Variants in RBFOX1 observed in about 807,000 individuals in gnomAD.
RBFOX1 encodes RNA binding protein fox-1 homolog 1.
RBFOX1 carries 8 observed loss-of-function variants against 57.7 expected under a neutral mutation model. The observed-to-expected ratio is 0.14, with a 90% CI of 0.08 to 0.25. The LOEUF (loss-of-function observed/expected upper bound fraction) is 0.25. Ranked by LOEUF, RBFOX1 falls within the 10% of genes least tolerant of loss-of-function variation. RBFOX1 has a pLI of 1.00. For synonymous variants in RBFOX1, 326 were observed against 222.4 expected, an observed-to-expected ratio of 1.47 and a Z score of -4.15; for missense variants, 611 against 548.5, an observed-to-expected ratio of 1.11 and a Z score of -1.14.
chr16:6,516,542 A>AT (rs1170474103), intron 2 of RBFOX1, among the ~76,000 whole-genome samples: 1 of 152,214 alleles, frequency 6.6e-6, no homozygotes, highest in Non-Finnish European at 1.5e-5. Context: ...AGGCTTGTTA[A>AT]TTTTTTATAA....
intron 3 of RBFOX1, among the ~76,000 whole-genome samples, chr16:5,742,195 C>G (rs1265394339): frequency 2.0e-5 from 3 of 151,716 alleles, no homozygotes; most frequent in African/African-American, 7.3e-5. Flanking sequence ...TCCCTTCCTT[C>G]CTCCAGTCCT....
chr16:6,979,796 C>T (rs1295747671), intron 3 of RBFOX1, among the ~76,000 whole-genome samples: 1 of 152,154 alleles, frequency 6.6e-6, no homozygotes, highest in Non-Finnish European at 1.5e-5. Context: ...GTATTCCACC[C>T]TTTTCTCCTG....
chr16:7,517,138 CGT>C (rs200887129), intron 4 of RBFOX1, among the ~76,000 whole-genome samples: 11,468 of 129,894 alleles, frequency 0.088, 570 homozygotes, highest in Middle Eastern at 0.12. Flanking sequence ...TTTCTTATGC[CGT>C]GTGTGTGTGT....
chr16:5,756,737 C>G (rs1250242790), intron 3 of RBFOX1, among the ~76,000 whole-genome samples: 1 of 152,090 alleles, frequency 6.6e-6, no homozygotes, highest in African/African-American at 2.4e-5. Context: ...TTCTTTGAGC[C>G]AAAGAGACCC....
At chr16:6,594,073 T>A (rs2097753516) in intron 2 of RBFOX1, among the ~76,000 whole-genome samples, 1 of 152,180 alleles carries the variant, frequency 6.6e-6, no homozygotes, top group South Asian at 2.1e-4. Flanking sequence ...ACACTTGAGT[T>A]CATCTATATC....
rs1049485392 is a variant in RBFOX1 at position 7,671,704 on chromosome 16, T to G, written c.931-5070T>G. On this transcript the variant is annotated intron_variant, in intron 13 of 15. Coordinates refer to ENST00000550418, the MANE Select transcript of RBFOX1 (RefSeq NM_018723.4). ...TGGGGAGGGGAACAGTTCTCTAACA[T>G]AGGAGGAAAGACTTAACTGAATTTT... 2.8e-6 allele frequency: 3 copies of G among 1,066,778 alleles called. No homozygotes were observed. The South Asian group carries it at 3.9e-5, about 14-fold the overall frequency. The allele number at this position is 1,066,778 out of a possible 1,614,324, so 66.1% of individuals were successfully genotyped here. A position where few individuals can be genotyped will look rare whatever the true frequency, so the allele number is the denominator to read the frequency against.
intron 4 of RBFOX1, among the ~76,000 whole-genome samples, chr16:5,980,060 C>T (rs1449045150): frequency 1.3e-5 from 2 of 152,198 alleles, no homozygotes; most frequent in Non-Finnish European, 2.9e-5. Context: ...CAATCAGCTC[C>T]ACCCTCCTCC....
intron 3 of RBFOX1, among the ~76,000 whole-genome samples, chr16:6,692,331 G>C (rs529753511): frequency 3.7e-4 from 2 of 5,434 alleles, no homozygotes; most frequent in Admixed American, 9.1e-3. Flanking sequence ...TTTTCACTAA[G>C]TGTTTCATCT....
chr16:6,818,585 C>G (rs895698746), intron 3 of RBFOX1, among the ~76,000 whole-genome samples: 2 of 152,192 alleles, frequency 1.3e-5, no homozygotes, highest in East Asian at 1.9e-4. Context: ...TGCTATGGCA[C>G]TCTCATTTAA....
intron 1 of RBFOX1, among the ~76,000 whole-genome samples, chr16:5,269,646 G>A (rs7206596): frequency 0.18 from 28,047 of 152,132 alleles, 2,956 homozygotes; most frequent in African/African-American, 0.29. Context: ...GAAATAGGAA[G>A]TTGATTAGTG....
At chr16:7,217,728 C>T (rs1235431966) in intron 4 of RBFOX1, among the ~76,000 whole-genome samples, 1 of 152,082 alleles carries the variant, frequency 6.6e-6, no homozygotes, top group Non-Finnish European at 1.5e-5. Flanking sequence ...TGAGAAAAAG[C>T]TTTATTTACA....
rs145511764 is a variant in RBFOX1, at chr16:5,952,309, C to A, written c.351+84974C>A. On this transcript the variant is annotated intron_variant, in intron 4 of 19. Coordinates refer to the RBFOX1 transcript ENST00000641259. The stretch of plus-strand genomic sequence containing the variant: ...GGGATTACAGGCGTGCGCCACCACA[C>A]CTGGTTAATCTTTGTATTTTTCGTA... Among the ~76,000 whole-genome samples the A allele has an allele frequency of 2.0e-4, 30 of 152,086 alleles. 1 individual carries two copies. The South Asian group carries it at 5.6e-3, about 29-fold the overall frequency.
rs1206538214 is a variant in RBFOX1 at position 6,922,001 on chromosome 16, C to T, written c.-15-130056C>T. ...AATATACACAGAACTAGCACAATGC[C>T]TAACACCTTGTGGCTATTTAATGTA... On this transcript the variant is annotated intron_variant, in intron 3 of 15. Coordinates refer to ENST00000550418, the MANE Select transcript of RBFOX1 (RefSeq NM_018723.4). Among the ~76,000 whole-genome samples the T allele has an allele frequency of 2.0e-5, 3 of 152,158 alleles. No homozygotes were observed. In the East Asian group the frequency reaches 5.8e-4, roughly 29 times the overall value.
chr16:7,417,302 G>A lies in RBFOX1; in HGVS notation c.28-100845G>A, dbSNP rs556665061. ...ACAGGGGAATCACTTGAACCTGGGA[G>A]GTGGAGGTTGCAGTGAGGTGAGATT... On this transcript the variant is annotated intron_variant, in intron 4 of 15. Coordinates refer to ENST00000550418, the MANE Select transcript of RBFOX1 (RefSeq NM_018723.4). Among the ~76,000 whole-genome samples the A allele has an allele frequency of 7.3e-5, 11 of 151,324 alleles. No individual in the cohort carries two copies. The East Asian group carries it at 2.2e-3, about 30-fold the overall frequency.
At chr16:7,406,673 C>T (rs2098345452) in intron 4 of RBFOX1, among the ~76,000 whole-genome samples, 1 of 152,222 alleles carries the variant, frequency 6.6e-6, no homozygotes, top group Non-Finnish European at 1.5e-5. Context: ...TACCTGACAC[C>T]TTCTGAGTCC....
At chr16:5,426,944 C>T (rs918038448) in intron 1 of RBFOX1, among the ~76,000 whole-genome samples, 2 of 152,198 alleles carry the variant, frequency 1.3e-5, no homozygotes, top group African/African-American at 4.8e-5. Flanking sequence ...AAGATAACTC[C>T]CTTGTAAGTG....
chr16:6,072,999 T>C (rs2152489330), intron 1 of RBFOX1, among the ~76,000 whole-genome samples: 1 of 152,346 alleles, frequency 6.6e-6, no homozygotes, highest in East Asian at 1.9e-4. Context: ...CATAAAAATC[T>C]ATAATATTCT....
At position 7,230,241 on chromosome 16, in the gene RBFOX1, C is replaced by G. The variant is rs557983075; in HGVS notation, c.27+178143C>G. On this transcript the variant is annotated intron_variant, in intron 4 of 15. Transcript: ENST00000550418. ...GTGGAAGACATTTGGGAAATGATGA[C>G]TAGTAAAAACCCAAACAAAATAAAC... 9.5e-4 allele frequency among the ~76,000 whole-genome samples: 145 copies of G among 151,944 alleles called. 3 individuals are homozygous for G. In the South Asian group the frequency reaches 0.028, roughly 29 times the overall value.
At chr16:5,539,765 C>G (rs2044857647) in intron 2 of RBFOX1, among the ~76,000 whole-genome samples, 1 of 152,176 alleles carries the variant, frequency 6.6e-6, no homozygotes, top group Non-Finnish European at 1.5e-5. Context: ...ATGAAAGAAA[C>G]TAAAATTCTG....
Sources: gnomAD v4.1 joint callset for allele counts (sites outside exome capture counted in the v4.1 genomes callset) on GRCh38, gnomAD v4.1.1 for gene constraint, MANE v1.5 for transcripts, NCBI Gene and HGNC (gene_info 2026-07-23, HGNC 2026-07-21) for gene names.